The following JAK2 variants were observed in gnomAD, a reference collection of about 807,000 sequenced individuals.
The protein encoded by JAK2 is tyrosine-protein kinase JAK2.
JAK2 carries 86 observed loss-of-function variants against 139.3 expected under a neutral mutation model. The observed-to-expected ratio is 0.62, with a 90% CI of 0.52 to 0.74. The LOEUF is 0.74. Among genes scored for constraint, JAK2 ranks in the 30% least tolerant of loss-of-function variants. The pLI is 0.00. For synonymous variants in JAK2, 490 were observed against 437.7 expected (o/e 1.12, Z -1.49); for missense variants, 1,421 against 1,360.3 (o/e 1.04, Z -0.70).
At chr9:5,085,728 A>G (rs1224648030) in intron 19 of JAK2, 9 of 753,770 alleles carry the variant, frequency 1.2e-5, no homozygotes, top group Admixed American at 3.5e-5. Flanking sequence ...CATTTCTGCA[A>G]TTAAGGCTGT....
intron 2 of JAK2, among the ~76,000 whole-genome samples, chr9:5,006,168 A>C (rs922624459): frequency 1.3e-5 from 2 of 151,882 alleles, no homozygotes; most frequent in African/African-American, 2.4e-5. Context: ...CTTTTATTTC[A>C]TTGAGCAGTG....
At chr9:4,995,633 G>A (rs1203252840) in intron 2 of JAK2, among the ~76,000 whole-genome samples, 1 of 152,128 alleles carries the variant, frequency 6.6e-6, no homozygotes, top group Non-Finnish European at 1.5e-5. Context: ...GAGTTCTTGG[G>A]TAGTGAACAT....
At chr9:5,111,572 C>T (rs1822544434) in intron 22 of JAK2, 2 of 363,310 alleles carry the variant, frequency 5.5e-6, no homozygotes, top group South Asian at 2.1e-5. Context: ...TGGCAGCCTG[C>T]ACCCCTAAGC....
chr9:5,037,172 A>T (rs985266953), intron 4 of JAK2, among the ~76,000 whole-genome samples: 15 of 152,312 alleles, frequency 9.8e-5, no homozygotes, highest in Admixed American at 8.5e-4. Context: ...ATCTCACACC[A>T]GTTAGAATGG....
chr9:4,998,847 T>C (rs371602862), intron 2 of JAK2, among the ~76,000 whole-genome samples: 4 of 152,138 alleles, frequency 2.6e-5, no homozygotes, highest in African/African-American at 7.2e-5. Flanking sequence ...AGTTCTTTTT[T>C]TGAGATGGAG....
chr9:5,050,390 C>G (rs565722972), intron 5 of JAK2, among the ~76,000 whole-genome samples: 2 of 152,190 alleles, frequency 1.3e-5, no homozygotes, highest in African/African-American at 2.4e-5. Flanking sequence ...CCTACCTCAG[C>G]CCCCCAAGTA....
intron 2 of JAK2, among the ~76,000 whole-genome samples, chr9:5,004,111 A>G (rs967375191): frequency 2.0e-5 from 3 of 152,198 alleles, no homozygotes; most frequent in Non-Finnish European, 4.4e-5. Context: ...TAACATATGT[A>G]TCACCTCACA....
Position 5,055,652 on chromosome 9 carries a change from C to T in JAK2, c.937-17C>T. 6.6e-7 allele frequency: 1 copy of T among 1,519,092 alleles called. No homozygotes were observed. Among genetic ancestry groups the T allele is most frequent in the Admixed American group, 1.8e-5 (1 of 54,636 alleles). The allele number at this position is 1,519,092 out of a possible 1,614,324, so 94.1% of individuals were successfully genotyped here. On this transcript the variant is annotated splice_polypyrimidine_tract_variant and intron_variant, in intron 7 of 24. Transcript: ENST00000381652. ...TAAATTCTACCCGTTTTTAATTTTA[C>T]ATGCTTTTAATTATAGGATTTACAG... is the stretch of plus-strand genomic sequence containing the variant.
At chr9:4,991,289 A>G (rs1212188582) in intron 2 of JAK2, among the ~76,000 whole-genome samples, 1 of 152,152 alleles carries the variant, frequency 6.6e-6, no homozygotes, top group African/African-American at 2.4e-5. Flanking sequence ...CTTTGCTTGC[A>G]TGTTTATTTT....
At chr9:5,103,859 T>C (rs1481673275) in intron 22 of JAK2, among the ~76,000 whole-genome samples, 3 of 152,170 alleles carry the variant, frequency 2.0e-5, no homozygotes, top group African/African-American at 4.8e-5. Context: ...AAGATGTTCT[T>C]TGAAACCAAC....
intron 22 of JAK2, among the ~76,000 whole-genome samples, chr9:5,093,736 T>C (rs1337776108): frequency 6.6e-6 from 1 of 152,156 alleles, no homozygotes; most frequent in Non-Finnish European, 1.5e-5. Context: ...ACCCTAGGGA[T>C]AACAGTGCAA....
At chr9:5,066,185 A>G (rs1370873344) in intron 9 of JAK2, among the ~76,000 whole-genome samples, 1 of 152,158 alleles carries the variant, frequency 6.6e-6, no homozygotes, top group Admixed American at 6.5e-5. Context: ...GAAAACATAA[A>G]AAATTTTAAA....
Position 5,062,500 on chromosome 9 carries a change from T to TAAAAAAAAAAAAAAAAAAAAAA in JAK2, c.1057-2373_1057-2352dup, listed in dbSNP as rs58424625. On this transcript the variant is annotated intron_variant, in intron 8 of 24. Coordinates refer to ENST00000381652, the MANE Select transcript of JAK2 (RefSeq NM_004972.4). ...AAGTTTGTCAGAAACCTTCCATTTG[T>TAAAAAAAAAAAAAAAAAAAAAA]AAAAAAAAAAAAAAAAAAAAAAAAA... Among the ~76,000 whole-genome samples, 26 of 58,246 alleles carry TAAAAAAAAAAAAAAAAAAAAAA rather than the reference T, an allele frequency of 4.5e-4. 4 individuals carry two copies. The highest frequency in any genetic ancestry group is 2.5e-3 in the African/African-American group (24 of 9,596). 38.2% of individuals were successfully genotyped at this position (58,246 alleles called of 152,430 possible).
chr9:5,046,549 T>C (rs1817021139), intron 5 of JAK2, among the ~76,000 whole-genome samples: 2 of 152,228 alleles, frequency 1.3e-5, no homozygotes, highest in Non-Finnish European at 2.9e-5. Flanking sequence ...CATTTAGGCA[T>C]TGGGTCCATT....
chr9:5,058,446 A>T (rs1817924431), intron 8 of JAK2, among the ~76,000 whole-genome samples: 1 of 152,172 alleles, frequency 6.6e-6, no homozygotes, highest in Admixed American at 6.5e-5. Context: ...TATCATGAGA[A>T]CAGCATGGGG....
intron 2 of JAK2, 96 bp from the exon 3 acceptor site, chr9:5,021,867 A>G: frequency 1.5e-6 from 1 of 655,738 alleles, no homozygotes; most frequent in Non-Finnish European, 2.6e-6. Flanking sequence ...TTCTGGGCTC[A>G]AGCTATCTGC....
chr9:4,990,265 A>G lies in JAK2; in HGVS notation c.-26+4243A>G, dbSNP rs565447981. ...ACATCTAAGTCTATATGTTTTGTAT[A>G]TTAGGACTCAGACCAGAGAGATTTA... On this transcript the variant is annotated intron_variant, in intron 2 of 24. Transcript: ENST00000381652. 1.1e-4 allele frequency among the ~76,000 whole-genome samples: 17 copies of G among 152,294 alleles called. 1 individual carries two copies. The South Asian group carries it at 3.3e-3, about 30-fold the overall frequency.
At chr9:5,112,844 G>A (rs10815158) in intron 22 of JAK2, 329,322 of 513,846 alleles carry the variant, frequency 0.64, 110,915 homozygotes, top group African/African-American at 0.88. Context: ...CGCTGGGCAC[G>A]TGTGAAAGGT....
At position 5,003,939 on chromosome 9, in the gene JAK2, A is replaced by G. The variant is rs550838273; in HGVS notation, c.-26+17917A>G. On this transcript the variant is annotated intron_variant, in intron 2 of 24. Transcript: ENST00000381652. ...TTTATTAGGAGTAGTTTCTGCATCT[A>G]TTGAAATGATCATATGGTGTGTTTT... Among the ~76,000 whole-genome samples, 4 of 152,238 alleles carry G rather than the reference A, an allele frequency of 2.6e-5. No homozygotes were observed. The South Asian group carries it at 6.2e-4, about 24-fold the overall frequency.
Sources: allele counts gnomAD v4.1 joint callset (sites outside exome capture counted in the v4.1 genomes callset), GRCh38; gene constraint gnomAD v4.1.1; transcripts MANE v1.5; gene names NCBI Gene and HGNC (gene_info 2026-07-23, HGNC 2026-07-21).